Variants in WDFY4 observed in about 807,000 individuals in gnomAD.
The protein encoded by WDFY4 is WDFY family member 4.
In WDFY4, 169 loss-of-function variants were observed where a neutral mutation model predicts 351.9. The observed-to-expected ratio is 0.48, with a 90% CI of 0.42 to 0.55. The LOEUF is 0.55. Ranked by LOEUF, WDFY4 falls within the 20% of genes least tolerant of loss-of-function variation. The probability of loss-of-function intolerance (pLI) is 0.00; values close to 1 mark genes in which losing one functional copy is unlikely to be tolerated. For missense variants in WDFY4, 3,803 were observed against 3,935.6 expected, an observed-to-expected ratio of 0.97 and a Z score of 0.90; for synonymous variants, 1,622 against 1,574.6, an observed-to-expected ratio of 1.03 and a Z score of -0.71.
chr10:48,800,636 C>T (rs1589642756), intron 24 of WDFY4, among the ~76,000 whole-genome samples: 2 of 151,634 alleles, frequency 1.3e-5, no homozygotes, highest in Non-Finnish European at 2.9e-5. Flanking sequence ...CAGGGAGGAA[C>T]AGGAAGTTGT....
At chr10:48,860,194 T>C (rs977702295) in intron 39 of WDFY4, among the ~76,000 whole-genome samples, 8 of 152,248 alleles carry the variant, frequency 5.3e-5, no homozygotes, top group African/African-American at 1.9e-4. Flanking sequence ...ATTTCTGCTC[T>C]TTATTATGAC....
intron 23 of WDFY4, among the ~76,000 whole-genome samples, chr10:48,793,590 C>A (rs973490831): frequency 6.6e-6 from 1 of 152,164 alleles, no homozygotes; most frequent in African/African-American, 2.4e-5. Context: ...TTCTTTGTAA[C>A]CTGCATGTGC....
intron 3 of WDFY4, among the ~76,000 whole-genome samples, chr10:48,720,337 GAC>G (rs978394683): frequency 3.5e-4 from 53 of 152,226 alleles, no homozygotes; most frequent in Non-Finnish European, 5.1e-4. Context: ...CTGTTCCTGG[GAC>G]ACAGACATAG....
In WDFY4 at chr10:48,959,722, G is replaced by A; in HGVS notation, c.8132G>A (p.Gly2711Asp). Residue 2711 changes from glycine (G) to aspartate (D), a missense_variant and splice_region_variant, in exon 53 of 62, where the codon GGC (glycine) becomes GAC (aspartate). By Grantham distance (94) the Gly-to-Asp change is moderately conservative. Around this residue, in one of 3 missense-constraint regions of WDFY4, gnomAD observed 3,054 missense variants for 3,148.6 expected, o/e 0.97. Transcript: ENST00000325239. The stretch of plus-strand genomic sequence containing the variant: ...CTCTGCTGCTTCTCATCCCATGCAG[G>A]CTGCATGCAGGACGGGACTGTGCTA... ...FLTNCNGVEF[G>D]CMQDGTVLGD... is the part of the protein sequence containing the mutation. 6.4e-7 allele frequency: 1 copy of A among 1,551,436 alleles called. No homozygotes were observed. Among genetic ancestry groups the A allele is most frequent in the Non-Finnish European group, 8.7e-7 (1 of 1,146,854 alleles).
chr10:48,742,506 T>C (rs2064883929), intron 11 of WDFY4, among the ~76,000 whole-genome samples: 1 of 152,168 alleles, frequency 6.6e-6, no homozygotes, highest in Non-Finnish European at 1.5e-5. Flanking sequence ...ATTTAGCAAA[T>C]TGTCATTAAG....
intron 33 of WDFY4, among the ~76,000 whole-genome samples, chr10:48,820,821 A>G (rs532237895): frequency 2.0e-5 from 3 of 152,170 alleles, no homozygotes; most frequent in Non-Finnish European, 4.4e-5. Context: ...GTGGCACCTG[A>G]CAGGTGGCCG....
intron 39 of WDFY4, among the ~76,000 whole-genome samples, chr10:48,861,202 TTG>T (rs2133223697): frequency 6.6e-6 from 1 of 152,336 alleles, no homozygotes; most frequent in African/African-American, 2.4e-5. Flanking sequence ...GTTATAATTT[TTG>T]TTTTAACCAT....
rs1192353033 is a variant in WDFY4 at position 48,970,262 on chromosome 10, C to A, written c.8901C>A (p.Gly2967=). 1 of 1,551,414 alleles carries A rather than the reference C, an allele frequency of 6.4e-7. No individual in the cohort carries two copies. The highest frequency in any genetic ancestry group is 8.7e-7 in the Non-Finnish European group (1 of 1,147,002). The change falls in exon 57 of 62, where the codon GGC becomes GGA. Residue 2967 remains glycine (G), a synonymous_variant. Transcript: ENST00000325239. ...TGTGGGAGCTCAGCATGACCAAAGG[C>A]CGCCCGAGGGGCTTGCGCCTCCGGC... is the stretch of plus-strand genomic sequence containing the variant. ...VCVWELSMTK[G]RPRGLRLRQA... is the part of the protein sequence containing the mutation.
At chr10:48,778,562 C>A in intron 17 of WDFY4, 49 bp from the exon 18 acceptor site, 1 of 1,518,108 alleles carries the variant, frequency 6.6e-7, no homozygotes, top group Non-Finnish European at 8.9e-7. Context: ...AACATGCATG[C>A]TCAGCAGGGC....
Position 48,780,039 on chromosome 10 carries a change from G to T in WDFY4, c.3496G>T (p.Ala1166Ser). The change falls in exon 19 of 62, where the codon GCT becomes TCT. Residue 1166 changes from alanine (A) to serine (S), a missense_variant. Ala to Ser is a moderately conservative substitution (Grantham distance 99). This residue lies in a region of WDFY4 where 3,054 missense variants were observed against 3,148.6 expected (regional missense o/e 0.97). Coordinates refer to ENST00000325239, the MANE Select transcript of WDFY4 (RefSeq NM_001394531.1). ...GGCTTGTGGTCAGTGGCATCACTTG[G>T]CTGTGGTTGTCACTAAGGAAATGAA... Reference protein sequence around the residue: ...LLACGQWHHLAVVVTKEMKRH... With the variant: ...LLACGQWHHLSVVVTKEMKRH... 6.4e-7 allele frequency: 1 copy of T among 1,551,914 alleles called. No homozygotes were observed. Among genetic ancestry groups the T allele is most frequent in the Non-Finnish European group, 8.7e-7 (1 of 1,147,056 alleles).
At chr10:48,690,728 G>C (rs1222944735) in intron 1 of WDFY4, among the ~76,000 whole-genome samples, 1 of 152,168 alleles carries the variant, frequency 6.6e-6, no homozygotes, top group Non-Finnish European at 1.5e-5. Context: ...TCTCAGCAGA[G>C]AGTAACTCCT....
chr10:48,977,228 AC>A lies in WDFY4; in HGVS notation c.9291+250del, dbSNP rs1458172129. The A allele has an allele frequency of 1.3e-4, 40 of 304,104 alleles. No homozygotes were observed. The East Asian group carries it at 2.0e-3, about 15-fold the overall frequency. 18.8% of individuals were successfully genotyped at this position (304,104 alleles called of 1,614,324 possible). Reference sequence around the variant, plus strand: ...CACACAGACACACACTAAAATAAATACTGTTACAACATATAAAAGTTGAATG... The same window carrying A: ...CACACAGACACACACTAAAATAAATATGTTACAACATATAAAAGTTGAATG... On this transcript the variant is annotated intron_variant, in intron 59 of 61. Coordinates refer to ENST00000325239, the MANE Select transcript of WDFY4 (RefSeq NM_001394531.1).
intron 13 of WDFY4, among the ~76,000 whole-genome samples, chr10:48,773,803 G>A (rs551663021): frequency 5.3e-5 from 8 of 152,338 alleles, no homozygotes; most frequent in African/African-American, 1.7e-4. Flanking sequence ...GATGTCTGTG[G>A]TGGGGCCTGT....
intron 24 of WDFY4, among the ~76,000 whole-genome samples, chr10:48,800,835 T>G (rs1347453469): frequency 1.3e-5 from 2 of 151,282 alleles, no homozygotes; most frequent in Non-Finnish European, 2.9e-5. Flanking sequence ...CAGGTTCAAG[T>G]AATTCTCCTG....
intron 21 of WDFY4, among the ~76,000 whole-genome samples, chr10:48,789,254 G>A (rs570684503): frequency 6.6e-6 from 1 of 152,242 alleles, no homozygotes; most frequent in South Asian, 2.1e-4. Context: ...TTGTAGATGG[G>A]GATGCCATTA....
At chr10:48,927,158 G>C (rs765396805) in intron 47 of WDFY4, among the ~76,000 whole-genome samples, 1 of 151,840 alleles carries the variant, frequency 6.6e-6, no homozygotes, top group Non-Finnish European at 1.5e-5. Flanking sequence ...CTAACCTCTC[G>C]TTAAGTACTT....
chr10:48,981,725 T>C (rs1842814666), intron 61 of WDFY4, among the ~76,000 whole-genome samples: 1 of 152,248 alleles, frequency 6.6e-6, no homozygotes, highest in African/African-American at 2.4e-5. Flanking sequence ...CTCTTGAATA[T>C]CCAAACATTC....
chr10:48,871,388 C>T (rs967333184), intron 40 of WDFY4, among the ~76,000 whole-genome samples: 3 of 151,986 alleles, frequency 2.0e-5, no homozygotes, highest in Admixed American at 6.6e-5. Context: ...TTCTGCCAAA[C>T]GAGTGTTCAT....
rs1565198769 is a variant in WDFY4 at position 48,787,912 on chromosome 10, C to CT, written c.3809-616dup. Among the ~76,000 whole-genome samples the CT allele has an allele frequency of 4.1e-3, 185 of 45,150 alleles. 5 individuals are homozygous for CT. Among genetic ancestry groups the CT allele is most frequent in the East Asian group, 0.014 (21 of 1,550 alleles). The allele number at this position is 45,150 out of a possible 152,430, so 29.6% of individuals were successfully genotyped here. A position where few individuals can be genotyped will look rare whatever the true frequency, so the allele number is the denominator to read the frequency against. On this transcript the variant is annotated intron_variant, in intron 20 of 61. Transcript: ENST00000325239. ...TCTTCTCCTTCTTCTTCTTCTTCTT[C>CT]TTCTTCTTCTTCTTCTTCTTCTTCT...
Sources: gnomAD v4.1 joint callset for allele counts (sites outside exome capture counted in the v4.1 genomes callset) on GRCh38, gnomAD v4.1.1 for gene constraint, gnomAD v4.1.1 regional missense constraint, MANE v1.5 for transcripts, NCBI Gene and HGNC (gene_info 2026-07-23, HGNC 2026-07-21) for gene names.